Variants in SMARCD2 observed in about 807,000 individuals in gnomAD.
SMARCD2 encodes the protein SWI/SNF related BAF chromatin remodeling complex subunit D2.
Under a neutral mutation model 70.4 loss-of-function variants are expected in SMARCD2, and 39 were observed. The ratio of observed to expected loss-of-function variants is 0.55; its 90% confidence interval spans 0.43 to 0.72. The LOEUF is 0.72. Among genes scored for constraint, SMARCD2 ranks in the 30% least tolerant of loss-of-function variants. The pLI is 0.00. For synonymous variants in SMARCD2, 249 were observed against 279.4 expected (o/e 0.89, Z 1.08); for missense variants, 540 against 713.4 (o/e 0.76, Z 2.77).
In SMARCD2 at chr17:63,834,166, C is replaced by T; in HGVS notation, c.1083+1G>A. 1 of 1,608,860 alleles carries T rather than the reference C, an allele frequency of 6.2e-7. No homozygotes were observed. The highest frequency in any genetic ancestry group is 2.2e-5 in the East Asian group (1 of 44,706). The stretch of plus-strand genomic sequence containing the variant: ...AAAACGGGGGCTGGCATCTGGCTAA[C>T]CTGGCGGAAGTAACGGTTGCAGTTG... On this transcript the variant is annotated splice_donor_variant, in intron 8 of 12. Transcript: ENST00000448276. LOFTEE classifies it high-confidence loss of function. This position sits in a 1 kb window ranked among gnomAD's most constrained non-coding sequence, Gnocchi z 5.6.
Position 63,834,241 on chromosome 17 carries a change from G to A in SMARCD2, c.1009C>T (p.Leu337Phe), listed in dbSNP as rs1440642748. Residue 337 changes from leucine to phenylalanine, a missense_variant, in exon 8 of 13, where the codon CTT becomes TTT. By Grantham distance (22) the Leu-to-Phe change is conservative. Coordinates refer to ENST00000448276, the MANE Select transcript of SMARCD2 (RefSeq NM_001098426.2). The surrounding 1 kb of genome is among the most constrained non-coding windows in gnomAD (Gnocchi z 5.6). ...TRAAIMQALW[L>F]YIKHNQLQDG... ...TGCAGCTGGTTGTGCTTGATGTAAA[G>A]CCACAGGGCCTGCATGATGGCGGCC... The A allele has an allele frequency of 6.2e-7, 1 of 1,609,852 alleles. No homozygotes were observed. The highest frequency in any genetic ancestry group is 8.5e-7 in the Non-Finnish European group (1 of 1,178,140).
Position 63,839,284 on chromosome 17 carries a change from G to A in SMARCD2, c.217-1659C>T, listed in dbSNP as rs1421907250. ...GAAGCAGTGGGTCCTGCAGAGGTGA[G>A]CGAGGGCCCTGTGGTCCCCAGGAAG... On this transcript the variant is annotated intron_variant, in intron 1 of 12. Transcript: ENST00000448276. The A allele has an allele frequency of 5.1e-6, 5 of 978,246 alleles. No homozygotes were observed. In the African/African-American group the frequency reaches 8.8e-5, roughly 17 times the overall value. 60.6% of individuals were successfully genotyped at this position (978,246 alleles called of 1,614,324 possible).
chr17:63,836,024 T>C (rs2040261311), intron 4 of SMARCD2, among the ~76,000 whole-genome samples: 2 of 151,706 alleles, frequency 1.3e-5, no homozygotes, highest in African/African-American at 2.4e-5. Context: ...CCACCGCACC[T>C]GGCCGGAACT....
chr17:63,837,677 G>A lies in SMARCD2; in HGVS notation c.217-52C>T. The A allele has an allele frequency of 6.0e-6, 9 of 1,493,066 alleles. No individual in the cohort carries two copies. The highest frequency in any genetic ancestry group is 8.3e-6 in the Non-Finnish European group (9 of 1,089,860). 92.5% of individuals were successfully genotyped at this position (1,493,066 alleles called of 1,614,324 possible). On this transcript the variant is annotated intron_variant, in intron 1 of 12. Coordinates refer to ENST00000448276, the MANE Select transcript of SMARCD2 (RefSeq NM_001098426.2). The surrounding 1 kb of genome is among the most constrained non-coding windows in gnomAD (Gnocchi z 6.4). ...CATAGGTCAGGGGCAAGGCCCTCCG[G>A]GACCCATAGCCCATGCCCTCCATCC... is the stretch of plus-strand genomic sequence containing the variant.
intron 1 of SMARCD2, chr17:63,838,821 C>A: frequency 7.9e-7 from 1 of 1,258,520 alleles, no homozygotes; most frequent in Non-Finnish European, 1.0e-6. Context: ...AGACTTGTAC[C>A]AAATCAAAGG....
In SMARCD2 at chr17:63,837,427, C is replaced by T. The variant is rs768626743; in HGVS notation, c.401+14G>A. The T allele has an allele frequency of 4.5e-6, 7 of 1,570,592 alleles. No homozygotes were observed. The highest frequency in any genetic ancestry group is 6.1e-6 in the Non-Finnish European group (7 of 1,156,248). On this transcript the variant is annotated intron_variant, in intron 2 of 12. Transcript: ENST00000448276. This position sits in a 1 kb window ranked among gnomAD's most constrained non-coding sequence, Gnocchi z 6.4. ...GCTGAGTTAGGCAGAGTGAGAGAAG[C>T]AGGATGCTCTTACCCCCGGCGCTGG...
intron 5 of SMARCD2, 140 bp downstream of exon 5, chr17:63,835,272 G>A: frequency 1.3e-6 from 1 of 772,948 alleles, no homozygotes; most frequent in Non-Finnish European, 2.0e-6. Flanking sequence ...ACAGGTGCAT[G>A]CCACCGCACC....
At chr17:63,842,322 G>C (rs966400620) in intron 1 of SMARCD2, 137 bp downstream of exon 1, 2 of 1,174,304 alleles carry the variant, frequency 1.7e-6, no homozygotes, top group African/African-American at 1.6e-5. Flanking sequence ...CAGCCCGAGG[G>C]TCCCGGCCCG....
intron 1 of SMARCD2, chr17:63,839,292 C>A (rs571243735): frequency 4.5e-4 from 431 of 961,422 alleles, no homozygotes; most frequent in Middle Eastern, 3.2e-3. Context: ...GAGCGAGGGC[C>A]CTGTGGTCCC....
At chr17:63,835,789 G>A (rs527410283) in intron 4 of SMARCD2, 66 of 388,942 alleles carry the variant, frequency 1.7e-4, no homozygotes, top group African/African-American at 9.3e-4. Context: ...GTGCAGTGGC[G>A]CGATCTCAGC....
In SMARCD2 at chr17:63,833,167, T is replaced by TG; in HGVS notation, c.1443dup (p.Ile482HisfsTer3). 6.2e-7 allele frequency: 1 copy of TG among 1,608,440 alleles called. No individual in the cohort carries two copies. Among genetic ancestry groups the TG allele is most frequent in the Non-Finnish European group, 8.5e-7 (1 of 1,177,258 alleles). On this transcript the variant is annotated frameshift_variant, in exon 12 of 13. Coordinates refer to ENST00000448276, the MANE Select transcript of SMARCD2 (RefSeq NM_001098426.2). LOFTEE classifies it high-confidence loss of function. The surrounding 1 kb of genome is among the most constrained non-coding windows in gnomAD (Gnocchi z 4.3). ...TCAGGATTTCCAATCACATCAGTGA[T>TG]GATCTGCAAAGAGCCAGGAGGAAAG...
intron 4 of SMARCD2, 119 bp from the exon 5 acceptor site, chr17:63,835,686 C>T (rs1182356615): frequency 2.2e-6 from 2 of 898,310 alleles, no homozygotes; most frequent in Non-Finnish European, 3.4e-6. Context: ...GCCAGCCAGG[C>T]ACCTTGTCAG....
intron 1 of SMARCD2, among the ~76,000 whole-genome samples, chr17:63,841,288 C>T (rs1399114755): frequency 1.3e-5 from 2 of 152,238 alleles, no homozygotes; most frequent in Non-Finnish European, 2.9e-5. Context: ...CCTAGTTAAG[C>T]CATCTCCTTA....
chr17:63,833,036 G>T lies in SMARCD2; in HGVS notation c.1542+33C>A, dbSNP rs777738554. 6.3e-7 allele frequency: 1 copy of T among 1,585,146 alleles called. No homozygotes were observed. The highest frequency in any genetic ancestry group is 1.2e-5 in the South Asian group (1 of 86,714). On this transcript the variant is annotated intron_variant, in intron 12 of 12. Transcript: ENST00000448276. This position sits in a 1 kb window ranked among gnomAD's most constrained non-coding sequence, Gnocchi z 4.3. ...AGTGGCTCAGGCCTTTGCTACTCACGGCCAAAGGAGGGAAAACAGGGCAGA... is the reference window on the plus strand; with the variant it reads ...AGTGGCTCAGGCCTTTGCTACTCACTGCCAAAGGAGGGAAAACAGGGCAGA...
intron 1 of SMARCD2, chr17:63,838,759 G>A (rs964926015): frequency 1.1e-5 from 14 of 1,272,518 alleles, no homozygotes; most frequent in Non-Finnish European, 1.4e-5. Context: ...GCTGGCCCCA[G>A]GGCCCAGATT....
In SMARCD2 at chr17:63,834,301, A is replaced by G. The variant is rs201179194; in HGVS notation, c.949T>C (p.Leu317=). The change falls in exon 8 of 13, where the codon TTG becomes CTG. Residue 317 remains leucine, a synonymous_variant. Transcript: ENST00000448276. This position sits in a 1 kb window ranked among gnomAD's most constrained non-coding sequence, Gnocchi z 5.6. ...GTGTGCACTCCCAGCAGCCTTGCCAATCGGGGGTCCAATTTGTACTGGGGA... is the reference window on the plus strand; with the variant it reads ...GTGTGCACTCCCAGCAGCCTTGCCAGTCGGGGGTCCAATTTGTACTGGGGA... ...QPPQYKLDPR[L]ARLLGVHTQT... The G allele has an allele frequency of 3.9e-5, 63 of 1,612,506 alleles. No individual in the cohort carries two copies. The highest frequency in any genetic ancestry group is 5.5e-5 in the South Asian group (5 of 90,886).
chr17:63,835,151 T>C, intron 5 of SMARCD2: 1 of 535,624 alleles, frequency 1.9e-6, no homozygotes, highest in Non-Finnish European at 3.3e-6. Context: ...TGAGACACAA[T>C]CTCACTCTGT....
In SMARCD2 at chr17:63,837,094, C is replaced by G; in HGVS notation, c.445-50G>C. Reference sequence around the variant, plus strand: ...TCAGCTTGCTTCAGCCAAAGCCTGGCTCTTTCCTCCCTTCCTGCTGCAGCC... The same window carrying G: ...TCAGCTTGCTTCAGCCAAAGCCTGGGTCTTTCCTCCCTTCCTGCTGCAGCC... On this transcript the variant is annotated intron_variant, in intron 3 of 12. Coordinates refer to ENST00000448276, the MANE Select transcript of SMARCD2 (RefSeq NM_001098426.2). The surrounding 1 kb of genome is among the most constrained non-coding windows in gnomAD (Gnocchi z 6.4). The G allele has an allele frequency of 3.1e-6, 5 of 1,613,020 alleles. No homozygotes were observed. The highest frequency in any genetic ancestry group is 4.2e-6 in the Non-Finnish European group (5 of 1,179,096).
chr17:63,836,430 C>T (rs954552324), intron 4 of SMARCD2, among the ~76,000 whole-genome samples: 3 of 142,474 alleles, frequency 2.1e-5, no homozygotes, highest in Non-Finnish European at 4.5e-5. Context: ...ACCTGGGATG[C>T]GAAGGTTGCA....
Sources: gnomAD v4.1 joint callset for allele counts (sites outside exome capture counted in the v4.1 genomes callset) on GRCh38, gnomAD v4.1.1 for gene constraint, Gnocchi (gnomAD v3.1) non-coding constraint, MANE v1.5 for transcripts, NCBI Gene and HGNC (gene_info 2026-07-23, HGNC 2026-07-21) for gene names.